OSBPL2: variants seen among roughly 807,000 people sequenced by gnomAD.
OSBPL2 encodes oxysterol-binding protein-related protein 2.
OSBPL2 carries 18 observed loss-of-function variants against 58.4 expected under a neutral mutation model. The ratio of observed to expected loss-of-function variants is 0.31; its 90% confidence interval spans 0.21 to 0.46. OSBPL2 has a LOEUF of 0.46. Among genes scored for constraint, OSBPL2 ranks in the 20% least tolerant of loss-of-function variants. The probability of loss-of-function intolerance (pLI) is 1.00; values close to 1 mark genes in which losing one functional copy is unlikely to be tolerated. For missense variants in OSBPL2, 461 were observed against 616.5 expected (o/e 0.75, Z 2.67); for synonymous variants, 221 against 234.1 (o/e 0.94, Z 0.51).
intron 11 of OSBPL2, among the ~76,000 whole-genome samples, chr20:62,287,357 T>A (rs944705661): frequency 1.3e-5 from 2 of 152,232 alleles, no homozygotes; most frequent in Non-Finnish European, 2.9e-5. Flanking sequence ...GAGCAGAACA[T>A]GCGTAAAATA....
intron 1 of OSBPL2, among the ~76,000 whole-genome samples, chr20:62,246,090 G>T (rs950683127): frequency 2.0e-4 from 30 of 152,266 alleles, no homozygotes; most frequent in African/African-American, 6.5e-4. Context: ...CCTCGCAGAG[G>T]CCTGGACCTG....
rs112306964 is a variant in OSBPL2 at position 62,288,591 on chromosome 20, T to C, written c.1126-616T>C. Among the ~76,000 whole-genome samples the C allele has an allele frequency of 0.018, 2,683 of 147,870 alleles. 94 individuals are homozygous for C. Among genetic ancestry groups the C allele is most frequent in the African/African-American group, 0.064 (2,521 of 39,326 alleles). On this transcript the variant is annotated intron_variant, in intron 11 of 13. Coordinates refer to ENST00000313733, the MANE Select transcript of OSBPL2 (RefSeq NM_144498.4). The surrounding 1 kb of genome is among the most constrained non-coding windows in gnomAD (Gnocchi z 4.8). Reference sequence around the variant, plus strand: ...TGTGGGTGCAGAGGCTGGGAGGCTGTGGGTGCAGAGGCCGAAGGCTGTGGG... The same window carrying C: ...TGTGGGTGCAGAGGCTGGGAGGCTGCGGGTGCAGAGGCCGAAGGCTGTGGG...
chr20:62,256,041 AT>A lies in OSBPL2; in HGVS notation c.-128-9del. On this transcript the variant is annotated splice_polypyrimidine_tract_variant and intron_variant, in intron 1 of 13. Coordinates refer to ENST00000313733, the MANE Select transcript of OSBPL2 (RefSeq NM_144498.4). ...ACTTCTGGAAGCTAAGTATGCCAAA[AT>A]TTTTTTCCCTTTAGATCTTCAGTGT... 5.5e-6 allele frequency: 5 copies of A among 904,140 alleles called. No homozygotes were observed. The highest frequency in any genetic ancestry group is 8.1e-6 in the Non-Finnish European group (5 of 614,534). The allele number at this position is 904,140 out of a possible 1,614,324, so 56.0% of individuals were successfully genotyped here. A position where few individuals can be genotyped will look rare whatever the true frequency, so the allele number is the denominator to read the frequency against.
intron 12 of OSBPL2, among the ~76,000 whole-genome samples, chr20:62,290,862 C>T (rs1323093881): frequency 6.6e-6 from 1 of 151,452 alleles, no homozygotes. Flanking sequence ...CTCAGCCTCC[C>T]GAGTAGCTGG....
At chr20:62,267,922 G>A (rs6143010) in intron 4 of OSBPL2, among the ~76,000 whole-genome samples, 66,304 of 151,826 alleles carry the variant, frequency 0.44, 14,477 homozygotes, top group Middle Eastern at 0.47. Flanking sequence ...TCGCTCTGTC[G>A]CCCAGGCTAG....
intron 12 of OSBPL2, 96 bp downstream of exon 12, chr20:62,289,426 C>T (rs1487619865): frequency 5.6e-6 from 8 of 1,434,230 alleles, no homozygotes; most frequent in South Asian, 2.6e-5. Context: ...GCCAGGCTCT[C>T]GCCTACAAGG....
chr20:62,262,015 A>C (rs539758410), intron 3 of OSBPL2, among the ~76,000 whole-genome samples: 1 of 151,944 alleles, frequency 6.6e-6, no homozygotes, highest in South Asian at 2.1e-4. Flanking sequence ...CGGCCTCCCA[A>C]AGTATTGTGA....
intron 4 of OSBPL2, among the ~76,000 whole-genome samples, chr20:62,266,815 C>A (rs768448038): frequency 6.6e-6 from 1 of 152,170 alleles, no homozygotes; most frequent in Non-Finnish European, 1.5e-5. Context: ...TTTAGAAAGT[C>A]ATTTAATATC....
chr20:62,286,785 C>T (rs1983159797), intron 11 of OSBPL2, 74 bp downstream of exon 11: 1 of 1,515,974 alleles, frequency 6.6e-7, no homozygotes, highest in Non-Finnish European at 8.9e-7. Context: ...CCCCACGGCT[C>T]TTCCCTGTCC....
At chr20:62,244,776 G>A (rs887832510) in intron 1 of OSBPL2, among the ~76,000 whole-genome samples, 3 of 152,232 alleles carry the variant, frequency 2.0e-5, no homozygotes, top group African/African-American at 7.2e-5. Context: ...CACACTGGCC[G>A]CGAGGCCCAG....
chr20:62,279,152 C>T lies in OSBPL2; in HGVS notation c.492-5C>T, dbSNP rs1982612287. 5 of 1,605,138 alleles carry T rather than the reference C, an allele frequency of 3.1e-6. No homozygotes were observed. The Admixed American group carries it at 6.8e-5, about 22-fold the overall frequency. On this transcript the variant is annotated splice_region_variant and splice_polypyrimidine_tract_variant and intron_variant, in intron 6 of 13. Transcript: ENST00000313733. ...TGTGTCTCTCTTTTTTATTCTTTGACCTAGGGAAGATTTAGGATTCAGATT... is the reference window on the plus strand; with the variant it reads ...TGTGTCTCTCTTTTTTATTCTTTGATCTAGGGAAGATTTAGGATTCAGATT...
chr20:62,258,064 C>G (rs1306694086), intron 2 of OSBPL2, among the ~76,000 whole-genome samples: 1 of 152,126 alleles, frequency 6.6e-6, no homozygotes, highest in East Asian at 1.9e-4. Flanking sequence ...GGGTTCCCAG[C>G]TGTGTGTGAT....
chr20:62,259,541 G>T (rs570462242), intron 2 of OSBPL2, among the ~76,000 whole-genome samples: 1 of 152,324 alleles, frequency 6.6e-6, no homozygotes, highest in African/African-American at 2.4e-5. Context: ...AACACTGTCA[G>T]CAGGCGTGTT....
chr20:62,251,036 GA>G (rs1980489790), intron 1 of OSBPL2, among the ~76,000 whole-genome samples: 5 of 139,872 alleles, frequency 3.6e-5, no homozygotes, highest in Admixed American at 1.5e-4. Flanking sequence ...CAGAGCAATA[GA>G]TTTTTTTTTT....
At chr20:62,251,896 T>TTTTC (rs869097046) in intron 1 of OSBPL2, among the ~76,000 whole-genome samples, 44 of 90,600 alleles carry the variant, frequency 4.9e-4, no homozygotes, top group African/African-American at 1.6e-3. Flanking sequence ...TTTTTTTTTT[T>TTTTC]CTGGAGACAG....
At chr20:62,281,255 T>G in intron 8 of OSBPL2, 90 bp downstream of exon 8, 1 of 933,006 alleles carries the variant, frequency 1.1e-6, no homozygotes, top group Non-Finnish European at 1.7e-6. Context: ...TCCTGGTGGG[T>G]TTTAGCTCAG....
intron 6 of OSBPL2, 109 bp from the exon 7 acceptor site, chr20:62,279,047 AG>A (rs530528122): frequency 1.5e-4 from 128 of 862,836 alleles, no homozygotes; most frequent in Non-Finnish European, 2.1e-4. Context: ...TGTGGCATGG[AG>A]GGCCCCTGCT....
rs1410062522 is a variant in OSBPL2, at chr20:62,295,531, G to T, written c.*1644G>T. ...TTGGAAGCTGGAAGCGATGGTGTTT[G>T]GTGCCGAGTCCTGTGTCATCCTCGG... On this transcript the variant is annotated 3_prime_UTR_variant, in exon 14 of 14. Coordinates refer to ENST00000313733, the MANE Select transcript of OSBPL2 (RefSeq NM_144498.4). The surrounding 1 kb of genome is among the most constrained non-coding windows in gnomAD (Gnocchi z 4.8). 6.6e-6 allele frequency: 1 copy of T among 152,170 alleles called. No individual in the cohort carries two copies. Among genetic ancestry groups the T allele is most frequent in the Non-Finnish European group, 1.5e-5 (1 of 68,042 alleles). The allele number at this position is 152,170 out of a possible 1,614,324, so 9.4% of individuals were successfully genotyped here.
intron 10 of OSBPL2, 134 bp from the exon 11 acceptor site, chr20:62,286,449 G>GAAA: frequency 6.7e-5 from 55 of 819,158 alleles, no homozygotes; most frequent in East Asian, 1.2e-4. Context: ...GACTCCGTCT[G>GAAA]AAAAAAAAAA....
Sources: allele counts gnomAD v4.1 joint callset (sites outside exome capture counted in the v4.1 genomes callset), GRCh38; gene constraint gnomAD v4.1.1; non-coding constraint Gnocchi (gnomAD v3.1); transcripts MANE v1.5; gene names NCBI Gene and HGNC (gene_info 2026-07-23, HGNC 2026-07-21).